INPP4B: variants seen among roughly 807,000 people sequenced by gnomAD.
INPP4B encodes inositol polyphosphate-4-phosphatase type II B.
A neutral mutation model predicts 122.5 loss-of-function variants in INPP4B; 55 were observed. That is an observed-to-expected ratio of 0.45 (90% CI 0.36 to 0.56). The LOEUF (loss-of-function observed/expected upper bound fraction) is 0.56, where lower values mean the gene tolerates loss of function less well. Among genes scored for constraint, INPP4B ranks in the 20% least tolerant of loss-of-function variants. The probability of loss-of-function intolerance (pLI) is 0.00; values close to 1 mark genes in which losing one functional copy is unlikely to be tolerated. For missense variants in INPP4B, 1,000 were observed against 1,097.7 expected (o/e 0.91, Z 1.26); for synonymous variants, 403 against 388.7 (o/e 1.04, Z -0.43).
chr4:142,230,561 T>A (rs1853780800), intron 12 of INPP4B, among the ~76,000 whole-genome samples: 1 of 148,466 alleles, frequency 6.7e-6, no homozygotes, highest in Non-Finnish European at 1.5e-5. Flanking sequence ...GGAGAAACAC[T>A]TGAACCCAGG....
At chr4:142,272,855 C>A (rs532872927) in intron 9 of INPP4B, among the ~76,000 whole-genome samples, 2 of 152,016 alleles carry the variant, frequency 1.3e-5, no homozygotes, top group African/African-American at 2.4e-5. Flanking sequence ...AAACTAAACA[C>A]GTTTTTCTTC....
chr4:142,492,873 G>A (rs1822056824), intron 2 of INPP4B, among the ~76,000 whole-genome samples: 2 of 152,136 alleles, frequency 1.3e-5, no homozygotes, highest in Admixed American at 6.6e-5. Flanking sequence ...TGAGGAAAAT[G>A]TCTCAAGGGC....
intron 5 of INPP4B, among the ~76,000 whole-genome samples, chr4:142,406,036 C>T (rs923694908): frequency 7.9e-5 from 12 of 152,172 alleles, no homozygotes; most frequent in Non-Finnish European, 1.8e-4. Flanking sequence ...ATATTTTCTC[C>T]TCTCACATAT....
chr4:142,576,799 A>G (rs1161786153), intron 2 of INPP4B, among the ~76,000 whole-genome samples: 1 of 152,052 alleles, frequency 6.6e-6, no homozygotes, highest in African/African-American at 2.4e-5. Context: ...CAGTTTAAAC[A>G]TAACAGTATT....
At chr4:142,388,453 A>T (rs1796628569) in intron 7 of INPP4B, among the ~76,000 whole-genome samples, 1 of 151,868 alleles carries the variant, frequency 6.6e-6, no homozygotes. Flanking sequence ...TAATGCACAC[A>T]TGAGAGGCCC....
At chr4:142,839,793 C>T (rs1489969742) in intron 1 of INPP4B, among the ~76,000 whole-genome samples, 2 of 152,024 alleles carry the variant, frequency 1.3e-5, no homozygotes, top group Non-Finnish European at 2.9e-5. Flanking sequence ...TTATTTTCTA[C>T]CTTTGAAATG....
intron 21 of INPP4B, among the ~76,000 whole-genome samples, chr4:142,118,349 C>A (rs1794805182): frequency 6.6e-6 from 1 of 151,718 alleles, no homozygotes; most frequent in Admixed American, 6.6e-5. Context: ...AATCTTAAGC[C>A]AAAAGAAGAA....
intron 23 of INPP4B, among the ~76,000 whole-genome samples, chr4:142,096,544 A>G (rs1341384788): frequency 6.6e-6 from 1 of 152,164 alleles, no homozygotes; most frequent in East Asian, 1.9e-4. Context: ...GTAGTTTAAC[A>G]TGCATTGAGG....
At chr4:142,677,216 T>C (rs1757942441) in intron 2 of INPP4B, among the ~76,000 whole-genome samples, 1 of 152,090 alleles carries the variant, frequency 6.6e-6, no homozygotes, top group African/African-American at 2.4e-5. Flanking sequence ...AGAAGACATT[T>C]ATGCAGCTAA....
chr4:142,785,785 A>C (rs2151045271), intron 1 of INPP4B, among the ~76,000 whole-genome samples: 1 of 152,152 alleles, frequency 6.6e-6, no homozygotes, highest in African/African-American at 2.4e-5. Context: ...GTCTAGTATT[A>C]ATGACAGTCA....
At chr4:142,832,918 T>C (rs1393559342) in intron 1 of INPP4B, among the ~76,000 whole-genome samples, 5 of 152,232 alleles carry the variant, frequency 3.3e-5, no homozygotes, top group Non-Finnish European at 7.3e-5. Flanking sequence ...ATAAAAACAC[T>C]GTCAGAAAAC....
intron 23 of INPP4B, among the ~76,000 whole-genome samples, chr4:142,107,795 G>C (rs949346353): frequency 3.3e-5 from 5 of 152,012 alleles, no homozygotes; most frequent in Admixed American, 6.6e-5. Context: ...ATTTTTATCA[G>C]ACTAATTAAA....
Position 142,415,839 on chromosome 4 carries a change from T to C in INPP4B, c.137-10515A>G, listed in dbSNP as rs28427037. On this transcript the variant is annotated intron_variant, in intron 5 of 25. Transcript: ENST00000262992. Reference sequence around the variant, plus strand: ...TATGCAGCCATAAAAAATGATGAGTTCATGTCCTTTGTAGGGACATGGATG... The same window carrying C: ...TATGCAGCCATAAAAAATGATGAGTCCATGTCCTTTGTAGGGACATGGATG... Among the ~76,000 whole-genome samples the C allele has an allele frequency of 7.6e-3, 1,160 of 152,228 alleles. 15 individuals are homozygous for C. Among genetic ancestry groups the C allele is most frequent in the African/African-American group, 0.026 (1,092 of 41,538 alleles).
At chr4:142,574,259 G>A (rs1733399288) in intron 2 of INPP4B, among the ~76,000 whole-genome samples, 2 of 151,972 alleles carry the variant, frequency 1.3e-5, no homozygotes, top group Admixed American at 6.6e-5. Context: ...TTCCTCCTCT[G>A]TACTCTGCAA....
chr4:142,715,952 T>C (rs1763700882), intron 2 of INPP4B, among the ~76,000 whole-genome samples: 1 of 152,198 alleles, frequency 6.6e-6, no homozygotes, highest in Non-Finnish European at 1.5e-5. Flanking sequence ...CTGGAACACC[T>C]TACAAATGGT....
At chr4:142,566,538 T>C (rs1237773608) in intron 2 of INPP4B, among the ~76,000 whole-genome samples, 10 of 152,174 alleles carry the variant, frequency 6.6e-5, no homozygotes, top group Admixed American at 2.6e-4. Flanking sequence ...GAAGGTATTA[T>C]TGAGATATCC....
intron 2 of INPP4B, among the ~76,000 whole-genome samples, chr4:142,703,267 A>T (rs1762045212): frequency 6.6e-6 from 1 of 152,210 alleles, no homozygotes; most frequent in Admixed American, 6.5e-5. Context: ...CACAAATAAC[A>T]AGTATGTATT....
At chr4:142,254,498 G>C (rs1415333095) in intron 11 of INPP4B, among the ~76,000 whole-genome samples, 1 of 152,078 alleles carries the variant, frequency 6.6e-6, no homozygotes, top group Non-Finnish European at 1.5e-5. Context: ...CCAATACAGA[G>C]AAGTGCTTAA....
intron 2 of INPP4B, among the ~76,000 whole-genome samples, chr4:142,593,224 A>G (rs1737915718): frequency 6.6e-6 from 1 of 152,090 alleles, no homozygotes; most frequent in Admixed American, 6.6e-5. Flanking sequence ...TGCATTAGGG[A>G]GTCAGAGGAA....
Sources: allele counts gnomAD v4.1 joint callset (sites outside exome capture counted in the v4.1 genomes callset), GRCh38; gene constraint gnomAD v4.1.1; transcripts MANE v1.5; gene names NCBI Gene and HGNC (gene_info 2026-07-23, HGNC 2026-07-21).